EPHA3: variants seen among roughly 807,000 people sequenced by gnomAD.
EPHA3 encodes EPH receptor A3.
Under a neutral mutation model 107.1 loss-of-function variants are expected in EPHA3, and 42 were observed. That is an observed-to-expected ratio of 0.39 (90% CI 0.31 to 0.51). The LOEUF (loss-of-function observed/expected upper bound fraction) is 0.51. EPHA3 is among the 20% of genes least tolerant of loss of function. The pLI is 0.78. For synonymous variants in EPHA3, 461 were observed against 424.8 expected (o/e 1.09, Z -1.05); for missense variants, 1,183 against 1,211.2 (o/e 0.98, Z 0.35).
intron 2 of EPHA3, among the ~76,000 whole-genome samples, chr3:89,186,309 T>A (rs1206483574): frequency 1.3e-5 from 2 of 152,096 alleles, no homozygotes; most frequent in Non-Finnish European, 2.9e-5. Flanking sequence ...GGGACCTGTT[T>A]AAATACCTCT....
chr3:89,264,691 A>G (rs1219162356), intron 3 of EPHA3, among the ~76,000 whole-genome samples: 1 of 152,164 alleles, frequency 6.6e-6, no homozygotes, highest in African/African-American at 2.4e-5. Flanking sequence ...ATTTGCTGTT[A>G]CATCCCCAAA....
At chr3:89,449,144 C>A (rs1709936745) in intron 13 of EPHA3, 81 bp from the exon 14 acceptor site, 2 of 1,292,346 alleles carry the variant, frequency 1.5e-6, no homozygotes. Flanking sequence ...ATGAGAAATT[C>A]TGTCCGGTTT....
intron 11 of EPHA3, among the ~76,000 whole-genome samples, chr3:89,422,953 A>G (rs182520071): frequency 1.5e-3 from 220 of 151,468 alleles, no homozygotes; most frequent in Non-Finnish European, 2.5e-3. Flanking sequence ...AGCGGGGGGC[A>G]CAGGCTCTGC....
intron 5 of EPHA3, among the ~76,000 whole-genome samples, chr3:89,388,583 C>A (rs1186289304): frequency 6.6e-6 from 1 of 151,830 alleles, no homozygotes; most frequent in Non-Finnish European, 1.5e-5. Flanking sequence ...CATACACAAA[C>A]AACTGAAAAA....
At chr3:89,142,216 C>G (rs1704447954) in intron 2 of EPHA3, among the ~76,000 whole-genome samples, 1 of 151,272 alleles carries the variant, frequency 6.6e-6, no homozygotes, top group Non-Finnish European at 1.5e-5. Context: ...TACCATATCA[C>G]TTTTTCCCCC....
chr3:89,340,807 A>C, intron 3 of EPHA3, 109 bp from the exon 4 acceptor site: 1 of 1,207,466 alleles, frequency 8.3e-7, no homozygotes, highest in Non-Finnish European at 1.1e-6. Flanking sequence ...GGAGGAAAAA[A>C]CTTGATTTTT....
At chr3:89,443,113 G>A (rs945552906) in intron 13 of EPHA3, among the ~76,000 whole-genome samples, 2 of 151,848 alleles carry the variant, frequency 1.3e-5, no homozygotes, top group Admixed American at 6.6e-5. Flanking sequence ...ATTTTACTTA[G>A]CCTCATTCTA....
intron 5 of EPHA3, among the ~76,000 whole-genome samples, chr3:89,355,456 A>G (rs1370375192): frequency 6.6e-6 from 1 of 151,496 alleles, no homozygotes; most frequent in African/African-American, 2.4e-5. Context: ...TTTGAAAAAC[A>G]AAGTGGAACA....
At position 89,171,868 on chromosome 3, in the gene EPHA3, C is replaced by T. The variant is rs571352354; in HGVS notation, c.154-37992C>T. 1.6e-4 allele frequency among the ~76,000 whole-genome samples: 25 copies of T among 152,266 alleles called. No individual in the cohort carries two copies. In the South Asian group the frequency reaches 4.1e-3, roughly 25 times the overall value. ...TTAAATGCATGACTCAGAGATGTGC[C>T]TATCGTTGATAACATTAGCGGGTCA... is the stretch of plus-strand genomic sequence containing the variant. On this transcript the variant is annotated intron_variant, in intron 2 of 16. Transcript: ENST00000336596.
chr3:89,302,137 T>TTAATAA (rs1020243062), intron 3 of EPHA3, among the ~76,000 whole-genome samples: 3 of 152,150 alleles, frequency 2.0e-5, no homozygotes, highest in Non-Finnish European at 4.4e-5. Flanking sequence ...TAGTGTCATC[T>TTAATAA]TAATAATTTT....
intron 5 of EPHA3, among the ~76,000 whole-genome samples, chr3:89,350,723 C>G (rs1426004303): frequency 6.6e-6 from 1 of 150,942 alleles, no homozygotes; most frequent in Admixed American, 6.6e-5. Context: ...TTTTTCTGTT[C>G]TGTTTTTTCC....
At chr3:89,293,667 C>G (rs1433707110) in intron 3 of EPHA3, among the ~76,000 whole-genome samples, 1 of 152,016 alleles carries the variant, frequency 6.6e-6, no homozygotes, top group African/African-American at 2.4e-5. Flanking sequence ...GAGTGTGGCA[C>G]TTCCCTCCTT....
At chr3:89,268,290 G>C (rs914902979) in intron 3 of EPHA3, among the ~76,000 whole-genome samples, 1 of 152,052 alleles carries the variant, frequency 6.6e-6, no homozygotes, top group African/African-American at 2.4e-5. Flanking sequence ...GTTTCAAACT[G>C]CCCTCAGTAG....
intron 16 of EPHA3, among the ~76,000 whole-genome samples, chr3:89,478,875 C>T (rs192684870): frequency 3.4e-3 from 514 of 152,260 alleles, no homozygotes; most frequent in African/African-American, 0.012. Context: ...ATTCTGGTGG[C>T]AGAAGTCTGA....
intron 5 of EPHA3, among the ~76,000 whole-genome samples, chr3:89,359,175 T>C (rs1708032303): frequency 6.6e-6 from 1 of 151,166 alleles, no homozygotes; most frequent in Non-Finnish European, 1.5e-5. Context: ...ATAAAGACAA[T>C]GTCTAAAGTT....
At chr3:89,343,538 C>T (rs1175199355) in intron 5 of EPHA3, among the ~76,000 whole-genome samples, 1 of 152,088 alleles carries the variant, frequency 6.6e-6, no homozygotes, top group Non-Finnish European at 1.5e-5. Context: ...TGGCTAGCAC[C>T]CGTCTTTCTT....
At chr3:89,233,419 G>T (rs1477964003) in intron 3 of EPHA3, among the ~76,000 whole-genome samples, 2 of 152,060 alleles carry the variant, frequency 1.3e-5, no homozygotes, top group Non-Finnish European at 2.9e-5. Context: ...AGTTGTTAAG[G>T]CATGAGCAGC....
At chr3:89,276,871 G>A (rs1398535) in intron 3 of EPHA3, among the ~76,000 whole-genome samples, 75,515 of 151,966 alleles carry the variant, frequency 0.5, 19,741 homozygotes, top group African/African-American at 0.66. Flanking sequence ...GTATTCTCTT[G>A]AAAAGATCAT....
At position 89,480,245 on chromosome 3, in the gene EPHA3, TAAC is replaced by T. The variant is rs1336361500; in HGVS notation, c.*744_*746del. 1 of 232,998 alleles carries T rather than the reference TAAC, an allele frequency of 4.3e-6. No individual in the cohort carries two copies. Among genetic ancestry groups the T allele is most frequent in the African/African-American group, 2.2e-5 (1 of 45,342 alleles). The allele number at this position is 232,998 out of a possible 1,614,324, so 14.4% of individuals were successfully genotyped here. On this transcript the variant is annotated 3_prime_UTR_variant, in exon 17 of 17. Transcript: ENST00000336596. ...ATGCTCTCTCAAATTGTCAGCAATT[TAAC>T]TAGACACAGATAATAATGGGTTTCT...
Sources: gnomAD v4.1 joint callset for allele counts (sites outside exome capture counted in the v4.1 genomes callset) on GRCh38, gnomAD v4.1.1 for gene constraint, MANE v1.5 for transcripts, NCBI Gene and HGNC (gene_info 2026-07-23, HGNC 2026-07-21) for gene names.